The following FOXP1 variants were observed in gnomAD, a reference collection of about 807,000 sequenced individuals.
FOXP1 encodes forkhead box protein P1.
Under a neutral mutation model 98.2 loss-of-function variants are expected in FOXP1, and 15 were observed. The ratio of observed to expected loss-of-function variants is 0.15; its 90% confidence interval spans 0.10 to 0.24. The LOEUF is 0.24. FOXP1 is among the 10% of genes least tolerant of loss of function. The probability of loss-of-function intolerance (pLI) is 1.00; values close to 1 mark genes in which losing one functional copy is unlikely to be tolerated. For synonymous variants in FOXP1, 371 were observed against 314.5 expected, an observed-to-expected ratio of 1.18 and a Z score of -1.90; for missense variants, 633 against 848.5, an observed-to-expected ratio of 0.75 and a Z score of 3.15.
chr3:71,495,895 GC>G (rs1252700675), intron 2 of FOXP1, among the ~76,000 whole-genome samples: 8 of 152,292 alleles, frequency 5.3e-5, no homozygotes, highest in Non-Finnish European at 7.3e-5. Flanking sequence ...ATGCAAATGA[GC>G]GAGGAAGGCC....
chr3:71,114,981 C>T (rs1165836378), intron 6 of FOXP1, among the ~76,000 whole-genome samples: 1 of 152,118 alleles, frequency 6.6e-6, no homozygotes, highest in Non-Finnish European at 1.5e-5. Flanking sequence ...GCCTCTTCTC[C>T]TACTATATAT....
chr3:71,470,238 A>G (rs2089198650), intron 3 of FOXP1, among the ~76,000 whole-genome samples: 1 of 152,192 alleles, frequency 6.6e-6, no homozygotes, highest in Non-Finnish European at 1.5e-5. Flanking sequence ...AACCTTCCTG[A>G]GCCTGTTTCT....
At chr3:71,407,978 T>C (rs1180843058) in intron 3 of FOXP1, among the ~76,000 whole-genome samples, 5 of 152,154 alleles carry the variant, frequency 3.3e-5, no homozygotes, top group Admixed American at 3.3e-4. Flanking sequence ...TTTGAGACCC[T>C]GTGCTTGATC....
intron 10 of FOXP1, among the ~76,000 whole-genome samples, chr3:71,044,797 T>C (rs1045839551): frequency 4.6e-5 from 7 of 152,212 alleles, no homozygotes; most frequent in East Asian, 1.9e-4. Context: ...TTACTGTTCA[T>C]GGAACTCAAT....
At chr3:71,479,063 A>G (rs1023950017) in intron 3 of FOXP1, among the ~76,000 whole-genome samples, 1 of 152,260 alleles carries the variant, frequency 6.6e-6, no homozygotes, top group African/African-American at 2.4e-5. Flanking sequence ...TCAATGGAAT[A>G]AAAGCAGACT....
intron 3 of FOXP1, among the ~76,000 whole-genome samples, chr3:71,429,852 C>A (rs749332141): frequency 2.0e-5 from 3 of 152,176 alleles, no homozygotes; most frequent in African/African-American, 4.8e-5. Context: ...TAAATACAAT[C>A]AAAAATGATG....
At chr3:71,195,104 GC>G (rs1174157849) in intron 6 of FOXP1, among the ~76,000 whole-genome samples, 2 of 152,158 alleles carry the variant, frequency 1.3e-5, no homozygotes, top group East Asian at 3.8e-4. Flanking sequence ...GGGACTATCA[GC>G]CCAAGGTTAC....
chr3:71,259,198 G>A (rs1405993199), intron 5 of FOXP1, among the ~76,000 whole-genome samples: 1 of 152,202 alleles, frequency 6.6e-6, no homozygotes, highest in African/African-American at 2.4e-5. Context: ...CCATGGGCAT[G>A]AGTGGGCACG....
intron 7 of FOXP1, among the ~76,000 whole-genome samples, chr3:71,101,800 T>C (rs1169384867): frequency 6.6e-6 from 1 of 152,146 alleles, no homozygotes; most frequent in East Asian, 1.9e-4. Flanking sequence ...TTCAAAGTTT[T>C]GGAACTACCC....
chr3:71,257,994 G>T (rs2068778206), intron 5 of FOXP1, among the ~76,000 whole-genome samples: 1 of 152,172 alleles, frequency 6.6e-6, no homozygotes, highest in Non-Finnish European at 1.5e-5. Flanking sequence ...ATGCACAGTA[G>T]GCCCTCAACA....
chr3:71,578,815 GA>G (rs1194522148), intron 2 of FOXP1, among the ~76,000 whole-genome samples: 1 of 152,142 alleles, frequency 6.6e-6, no homozygotes, highest in Non-Finnish European at 1.5e-5. Flanking sequence ...AAAAGGCAAA[GA>G]AAAACTCAGT....
chr3:71,140,744 G>C (rs1013827388), intron 6 of FOXP1, among the ~76,000 whole-genome samples: 1 of 152,108 alleles, frequency 6.6e-6, no homozygotes, highest in Non-Finnish European at 1.5e-5. Context: ...TGGAGGTGAA[G>C]CTTAAGGGAA....
intron 7 of FOXP1, among the ~76,000 whole-genome samples, chr3:71,074,716 C>T (rs2053620632): frequency 6.6e-6 from 1 of 152,074 alleles, no homozygotes; most frequent in African/African-American, 2.4e-5. Context: ...CCAAGTGTCA[C>T]CGATTAGTCA....
chr3:71,314,421 G>A (rs1263293686), intron 4 of FOXP1, among the ~76,000 whole-genome samples: 3 of 151,870 alleles, frequency 2.0e-5, no homozygotes, highest in Non-Finnish European at 4.4e-5. Context: ...CCAGCTACTC[G>A]GGAGGCTGAG....
At chr3:70,983,557 T>C (rs1381940063) in intron 14 of FOXP1, among the ~76,000 whole-genome samples, 1 of 152,170 alleles carries the variant, frequency 6.6e-6, no homozygotes, top group African/African-American at 2.4e-5. Context: ...CTATATTTCA[T>C]TACAAATATC....
chr3:70,986,632 G>A (rs2039782518), intron 14 of FOXP1, among the ~76,000 whole-genome samples: 1 of 152,190 alleles, frequency 6.6e-6, no homozygotes, highest in Admixed American at 6.5e-5. Context: ...GGTTCTAGAA[G>A]GAGGGGTTGC....
intron 18 of FOXP1, chr3:70,972,254 C>A: frequency 1.6e-6 from 2 of 1,278,310 alleles, no homozygotes; most frequent in South Asian, 1.5e-5. Context: ...AACAGACATC[C>A]AATACAGGGA....
intron 6 of FOXP1, among the ~76,000 whole-genome samples, chr3:71,145,529 G>A (rs2874542): frequency 0.043 from 6,515 of 152,144 alleles, 249 homozygotes; most frequent in Non-Finnish European, 0.062. Context: ...GTGAAAGAGC[G>A]AGACTCCATC....
At chr3:71,175,121 C>T (rs531306094) in intron 6 of FOXP1, among the ~76,000 whole-genome samples, 1 of 152,252 alleles carries the variant, frequency 6.6e-6, no homozygotes, top group South Asian at 2.1e-4. Flanking sequence ...ACTATATTGG[C>T]CAGGCTGGTC....
Sources: gnomAD v4.1 joint callset for allele counts (sites outside exome capture counted in the v4.1 genomes callset) on GRCh38, gnomAD v4.1.1 for gene constraint, MANE v1.5 for transcripts, NCBI Gene and HGNC (gene_info 2026-07-23, HGNC 2026-07-21) for gene names.